CLVS1: variants seen among roughly 807,000 people sequenced by gnomAD.
CLVS1 encodes clavesin 1, also known as clavesin-1.
A neutral mutation model predicts 33.1 loss-of-function variants in CLVS1; 10 were observed. The observed-to-expected ratio is 0.30, with a 90% CI of 0.19 to 0.51. CLVS1 has a LOEUF of 0.51. CLVS1 is among the 20% of genes least tolerant of loss of function. The probability of loss-of-function intolerance (pLI) is 0.97; values close to 1 mark genes in which losing one functional copy is unlikely to be tolerated. For missense variants in CLVS1, 343 were observed against 433.4 expected (o/e 0.79, Z 1.85); for synonymous variants, 163 against 166.1 (o/e 0.98, Z 0.14).
chr8:61,132,951 C>T (rs1368828079), intron 2 of CLVS1, among the ~76,000 whole-genome samples: 1 of 152,174 alleles, frequency 6.6e-6, no homozygotes, highest in African/African-American at 2.4e-5. Context: ...GGGTGGGCCT[C>T]ACAGGGTCTG....
At chr8:60,991,028 A>G in the CLVS1 span, among the ~76,000 whole-genome samples, 1 of 152,124 alleles carries the variant, frequency 6.6e-6, no homozygotes, top group African/African-American at 2.4e-5. Flanking sequence ...AGATTTTTTT[A>G]CTGAATACCT....
At chr8:61,141,762 A>G (rs1167769081) in intron 2 of CLVS1, among the ~76,000 whole-genome samples, 1 of 152,154 alleles carries the variant, frequency 6.6e-6, no homozygotes, top group Non-Finnish European at 1.5e-5. Flanking sequence ...AATTTTTGAT[A>G]TGTCTGATAT....
At chr8:61,022,891 G>A in the CLVS1 span, among the ~76,000 whole-genome samples, 1 of 152,212 alleles carries the variant, frequency 6.6e-6, no homozygotes, top group Non-Finnish European at 1.5e-5. Flanking sequence ...ATATACACAC[G>A]CATCTGTGCA....
intron 2 of CLVS1, among the ~76,000 whole-genome samples, chr8:61,219,320 C>T (rs938660725): frequency 6.6e-6 from 1 of 151,998 alleles, no homozygotes; most frequent in African/African-American, 2.4e-5. Context: ...ACCAACAGGC[C>T]TTGGTATGTG....
intron 2 of CLVS1, among the ~76,000 whole-genome samples, chr8:61,150,701 G>A (rs1806513640): frequency 6.6e-6 from 1 of 152,184 alleles, no homozygotes; most frequent in South Asian, 2.1e-4. Flanking sequence ...TGCCTAGGTA[G>A]CATCCACCCT....
intron 2 of CLVS1, among the ~76,000 whole-genome samples, chr8:61,309,625 G>T (rs766940583): frequency 1.3e-5 from 2 of 152,174 alleles, no homozygotes; most frequent in Non-Finnish European, 2.9e-5. Flanking sequence ...TTCTGGGAAG[G>T]TGTTCAGCTG....
chr8:61,379,010 G>T (rs1209759528), intron 3 of CLVS1, among the ~76,000 whole-genome samples: 1 of 152,130 alleles, frequency 6.6e-6, no homozygotes, highest in African/African-American at 2.4e-5. Context: ...AACACCACTG[G>T]CAGACTTTAA....
intron 2 of CLVS1, among the ~76,000 whole-genome samples, chr8:61,155,423 G>T (rs1051813827): frequency 6.6e-6 from 1 of 152,140 alleles, no homozygotes; most frequent in African/African-American, 2.4e-5. Flanking sequence ...CCTTATGAAG[G>T]TAACACCAGG....
intron 5 of CLVS1, among the ~76,000 whole-genome samples, chr8:61,477,001 G>C (rs928100360): frequency 2.0e-5 from 3 of 151,792 alleles, no homozygotes; most frequent in African/African-American, 7.2e-5. Context: ...AGAGTTTCTA[G>C]CATGAAGGTT....
At chr8:61,040,289 G>C in the CLVS1 span, among the ~76,000 whole-genome samples, 1 of 152,200 alleles carries the variant, frequency 6.6e-6, no homozygotes, top group Non-Finnish European at 1.5e-5. Flanking sequence ...ATTGTGAATA[G>C]TGCTGTGATG....
intron 2 of CLVS1, among the ~76,000 whole-genome samples, chr8:61,350,878 T>C (rs1812429310): frequency 6.6e-6 from 1 of 152,098 alleles, no homozygotes; most frequent in Non-Finnish European, 1.5e-5. Flanking sequence ...AGTGATTATA[T>C]ACCGCCACTC....
intron 2 of CLVS1, among the ~76,000 whole-genome samples, chr8:61,238,948 G>A (rs550764325): frequency 6.6e-6 from 1 of 152,168 alleles, no homozygotes; most frequent in Non-Finnish European, 1.5e-5. Flanking sequence ...TGTGTTAGTG[G>A]TCTTGATACA....
chr8:61,417,084 A>G (rs909990509), intron 3 of CLVS1, among the ~76,000 whole-genome samples: 1 of 152,178 alleles, frequency 6.6e-6, no homozygotes, highest in African/African-American at 2.4e-5. Context: ...ATAAGGAGAC[A>G]GAGAATGACA....
chr8:61,248,652 A>G (rs1808868208), intron 2 of CLVS1, among the ~76,000 whole-genome samples: 1 of 151,974 alleles, frequency 6.6e-6, no homozygotes, highest in African/African-American at 2.4e-5. Flanking sequence ...ATTTATATAT[A>G]TATATATATG....
At chr8:61,463,249 T>C (rs1167715548) in intron 5 of CLVS1, among the ~76,000 whole-genome samples, 1 of 152,248 alleles carries the variant, frequency 6.6e-6, no homozygotes, top group Non-Finnish European at 1.5e-5. Context: ...AGGCTTTGGC[T>C]TAAGGAAATG....
At position 61,485,655 on chromosome 8, in the gene CLVS1, T is replaced by C. The variant is rs557387231; in HGVS notation, c.978-13800T>C. ...AAAGACACATGCACACGTATGTTTA[T>C]TGCAGCACTATTCACAATAGCAAAG... is the stretch of plus-strand genomic sequence containing the variant. On this transcript the variant is annotated intron_variant, in intron 5 of 5. Transcript: ENST00000325897. Among the ~76,000 whole-genome samples the C allele has an allele frequency of 2.4e-3, 361 of 152,356 alleles. 3 individuals are homozygous for C. The highest frequency in any genetic ancestry group is 8.2e-3 in the African/African-American group (341 of 41,586).
At chr8:61,016,845 G>T in the CLVS1 span, among the ~76,000 whole-genome samples, 1 of 152,160 alleles carries the variant, frequency 6.6e-6, no homozygotes, top group East Asian at 1.9e-4. Context: ...CAACACTAAT[G>T]CCACTCCATC....
At chr8:61,329,282 C>T (rs1214809981) in intron 2 of CLVS1, among the ~76,000 whole-genome samples, 1 of 151,882 alleles carries the variant, frequency 6.6e-6, no homozygotes, top group Non-Finnish European at 1.5e-5. Context: ...TATCTTCTAG[C>T]ATTTACTTGC....
chr8:61,309,506 C>T (rs1296231544), intron 2 of CLVS1, among the ~76,000 whole-genome samples: 1 of 152,190 alleles, frequency 6.6e-6, no homozygotes, highest in East Asian at 1.9e-4. Context: ...GACCTTCTTT[C>T]CTTCACGATT....
Sources: allele counts gnomAD v4.1 joint callset (sites outside exome capture counted in the v4.1 genomes callset), GRCh38; gene constraint gnomAD v4.1.1; transcripts MANE v1.5; gene names NCBI Gene and HGNC (gene_info 2026-07-23, HGNC 2026-07-21).